The following BECN1 variants were observed in gnomAD, a reference collection of about 807,000 sequenced individuals.
BECN1 encodes the protein beclin 1.
A neutral mutation model predicts 60.1 loss-of-function variants in BECN1; 15 were observed. The ratio of observed to expected loss-of-function variants is 0.25; its 90% CI spans 0.17 to 0.38. The LOEUF (loss-of-function observed/expected upper bound fraction) is 0.38, where lower values mean the gene tolerates loss of function less well. BECN1 is among the 10% of genes least tolerant of loss of function. BECN1 has a pLI of 1.00. For missense variants in BECN1, 424 were observed against 548.2 expected, an observed-to-expected ratio of 0.77 and a Z score of 2.26; for synonymous variants, 179 against 201.8, an observed-to-expected ratio of 0.89 and a Z score of 0.96.
chr17:42,810,707 A>C lies in BECN1; in HGVS notation c.*53T>G. 6.6e-7 allele frequency: 1 copy of C among 1,514,492 alleles called. No homozygotes were observed. The highest frequency in any genetic ancestry group is 1.4e-5 in the African/African-American group (1 of 71,400). 93.8% of individuals were successfully genotyped at this position (1,514,492 alleles called of 1,614,324 possible). A position where few individuals can be genotyped will look rare whatever the true frequency, so the allele number is the denominator to read the frequency against. ...CGAATTTAATTTAAAACATGTTTGC[A>C]AACAAAACAAAATTAAAAGCCTTTA... On this transcript the variant is annotated 3_prime_UTR_variant, in exon 12 of 12. Coordinates refer to ENST00000590099, the MANE Select transcript of BECN1 (RefSeq NM_001313998.2).
At chr17:42,820,645 A>G (rs952786482) in intron 3 of BECN1, 129 bp downstream of exon 3, 9 of 862,560 alleles carry the variant, frequency 1.0e-5, no homozygotes, top group Admixed American at 9.9e-5. Flanking sequence ...AGAGATCCCA[A>G]AAGTCCGGGA....
intron 11 of BECN1, 49 bp from the exon 12 acceptor site, chr17:42,810,977 G>A (rs1329610026): frequency 1.3e-6 from 2 of 1,499,360 alleles, no homozygotes; most frequent in Non-Finnish European, 1.8e-6. Flanking sequence ...TCTGAGTTAA[G>A]TAAGTTCGGG....
chr17:42,816,137 AG>A, intron 7 of BECN1, 83 bp from the exon 8 acceptor site: 2 of 1,388,720 alleles, frequency 1.4e-6, no homozygotes, highest in Non-Finnish European at 1.9e-6. Flanking sequence ...ACGATTCTTT[AG>A]TGATCATCGT....
In BECN1 at chr17:42,813,963, C is replaced by T. The variant is rs1316542652; in HGVS notation, c.1026G>A (p.Leu342=). ...PYGNHSYLES[L]TDKSKELPLY... is the part of the protein sequence containing the mutation. ...CACAGAGTACCTTAGATTTGTCTGT[C>T]AGAGACTCCAGATATGAATGGTTTC... Residue 342 remains leucine, a synonymous_variant, in exon 10 of 12, where the codon CTG becomes CTA. Transcript: ENST00000590099. 3 of 1,602,844 alleles carry T rather than the reference C, an allele frequency of 1.9e-6. No individual in the cohort carries two copies. The African/African-American group carries it at 4.0e-5, about 22-fold the overall frequency.
At chr17:42,824,039 G>A (rs1157939424) in intron 1 of BECN1, 116 bp downstream of exon 1, 33 of 937,618 alleles carry the variant, frequency 3.5e-5, no homozygotes, top group Non-Finnish European at 4.8e-5. Flanking sequence ...CTGCTTCCGG[G>A]ACAGCCTGAG....
chr17:42,823,596 TC>T (rs1422916253), intron 2 of BECN1, 151 bp downstream of exon 2: 5 of 1,168,556 alleles, frequency 4.3e-6, no homozygotes, highest in Non-Finnish European at 5.9e-6. Context: ...GCTTTATGTT[TC>T]CAAGGAGAAA....
intron 8 of BECN1, chr17:42,814,975 T>C (rs2055115662): frequency 2.5e-6 from 1 of 394,724 alleles, no homozygotes; most frequent in African/African-American, 2.1e-5. Flanking sequence ...TTCTCCAAAT[T>C]CAATGCTACT....
intron 7 of BECN1, among the ~76,000 whole-genome samples, chr17:42,816,874 G>A (rs1940295324): frequency 6.6e-6 from 1 of 152,142 alleles, no homozygotes; most frequent in South Asian, 2.1e-4. Context: ...GGAGGCTGAG[G>A]TAGGAGAATC....
At chr17:42,818,935 TA>T in intron 4 of BECN1, 58 bp from the exon 5 acceptor site, 1 of 1,574,044 alleles carries the variant, frequency 6.4e-7, no homozygotes, top group Admixed American at 1.7e-5. Context: ...TTCCTCCACC[TA>T]CTACAATGCC....
Position 42,810,920 on chromosome 17 carries a change from A to C in BECN1, c.1193T>G (p.Val398Gly), listed in dbSNP as rs1223843231. ...TGTGTCTTCAATCTTGCCTTTCTCC[A>C]CATCCATCCTGCAGATGGACAGAGC... ...TRFCLPYRMD[V>G]EKGKIEDTGG... The change falls in exon 12 of 12, where the codon GTG becomes GGG. Residue 398 changes from valine (V) to glycine (G), a missense_variant. Transcript: ENST00000590099. 1.9e-6 allele frequency: 3 copies of C among 1,608,424 alleles called. No homozygotes were observed. The highest frequency in any genetic ancestry group is 3.4e-5 in the Admixed American group (2 of 58,894).
intron 11 of BECN1, 101 bp downstream of exon 11, chr17:42,811,552 TGC>T: frequency 4.1e-6 from 6 of 1,458,734 alleles, no homozygotes; most frequent in Admixed American, 4.3e-5. Flanking sequence ...GCCATTTTTT[TGC>T]TTTCCCACCA....
Position 42,818,852 on chromosome 17 carries a change from T to C in BECN1, c.286A>G (p.Ser96Gly). The C allele has an allele frequency of 6.2e-7, 1 of 1,614,172 alleles. No homozygotes were observed. The highest frequency in any genetic ancestry group is 8.5e-7 in the Non-Finnish European group (1 of 1,180,022). Residue 96 changes from serine (S) to glycine (G), a missense_variant, in exon 5 of 12, where the codon AGC (serine) becomes GGC (glycine). By Grantham distance (56) the Ser-to-Gly change is moderately conservative (BLOSUM62 0). Around this residue, in one of 3 missense-constraint regions of BECN1, gnomAD observed 96 missense variants for 125.6 expected, o/e 0.76. Coordinates refer to ENST00000590099, the MANE Select transcript of BECN1 (RefSeq NM_001313998.2). ...ARMMSTESAN[S>G]FTLIGEASDG... ...GATGCCTCCCCAATCAGAGTGAAGC[T>C]GTTGGCACTTTCTGTGGACATCATC...
At position 42,819,556 on chromosome 17, in the gene BECN1, G is replaced by C; in HGVS notation, c.252C>G (p.Pro84=). 6.2e-7 allele frequency: 1 copy of C among 1,613,532 alleles called. No homozygotes were observed. The highest frequency in any genetic ancestry group is 8.5e-7 in the Non-Finnish European group (1 of 1,179,842). ...RQDGVSRRFI[P]PARMMSTESA... ...TGAGAAGTAGTAGGCACCTGGCTGG[G>C]GGGATGAATCTGCGAGAGACACCAT... is the stretch of plus-strand genomic sequence containing the variant. Residue 84 remains proline (P), a synonymous_variant, in exon 4 of 12, where the codon CCC becomes CCG. Transcript: ENST00000590099.
Position 42,814,517 on chromosome 17 carries a change from T to C in BECN1, c.980+7A>G, listed in dbSNP as rs769440747. The C allele has an allele frequency of 6.2e-7, 1 of 1,614,140 alleles. No homozygotes were observed. Among genetic ancestry groups the C allele is most frequent in the South Asian group, 1.1e-5 (1 of 91,076 alleles). The stretch of plus-strand genomic sequence containing the variant: ...ATCACTCCCCAAGAAAGGGCTACAC[T>C]TCCTACCTCTGAAATTTCAGACCCA... On this transcript the variant is annotated splice_region_variant and intron_variant, in intron 9 of 11. Transcript: ENST00000590099.
At chr17:42,820,705 T>G in intron 3 of BECN1, 69 bp downstream of exon 3, 1 of 1,472,488 alleles carries the variant, frequency 6.8e-7, no homozygotes, top group Non-Finnish European at 9.3e-7. Flanking sequence ...CATTCCTGTT[T>G]TCATATCATA....
chr17:42,813,787 C>A, intron 10 of BECN1, 161 bp downstream of exon 10: 1 of 529,974 alleles, frequency 1.9e-6, no homozygotes, highest in Admixed American at 3.6e-5. Context: ...TACAAGACCC[C>A]CAAAACTAAA....
In BECN1 at chr17:42,813,046, G is replaced by C. The variant is rs573144222; in HGVS notation, c.1041+902C>G. Among the ~76,000 whole-genome samples the C allele has an allele frequency of 1.9e-3, 272 of 142,722 alleles. 1 individual carries two copies. The highest frequency in any genetic ancestry group is 6.6e-3 in the African/African-American group (256 of 38,540). 93.6% of individuals were successfully genotyped at this position (142,722 alleles called of 152,430 possible). ...TTTTTAGTAGAGACGGGGTTTCACT[G>C]TGTTAGCCAGGATGGTCTCAATCTC... is the stretch of plus-strand genomic sequence containing the variant. On this transcript the variant is annotated intron_variant, in intron 10 of 11. Transcript: ENST00000590099.
rs532032306 is a variant in BECN1, at chr17:42,824,201, C to T, written c.-49G>A. The T allele has an allele frequency of 9.6e-6, 4 of 417,874 alleles. No homozygotes were observed. The highest frequency in any genetic ancestry group is 1.7e-5 in the Non-Finnish European group (4 of 235,566). 25.9% of individuals were successfully genotyped at this position (417,874 alleles called of 1,614,324 possible). On this transcript the variant is annotated 5_prime_UTR_variant, in exon 1 of 12. Transcript: ENST00000590099. ...ACCCAAGTCCGGTCTACCGCGGAGG[C>T]ACTGTGGCCTCGGGTCGGCCCCGGA...
rs191988507 is a variant in BECN1 at position 42,821,278 on chromosome 17, A to G, written c.131-437T>C. On this transcript the variant is annotated intron_variant, in intron 2 of 11. Coordinates refer to ENST00000590099, the MANE Select transcript of BECN1 (RefSeq NM_001313998.2). ...GTTTCACCATGTTGGCCAGGTCTTG[A>G]TCTCCTGACCTCGTGATCCACCCGT... Among the ~76,000 whole-genome samples the G allele has an allele frequency of 2.7e-3, 407 of 152,144 alleles. 6 individuals are homozygous for G. Among genetic ancestry groups the G allele is most frequent in the Non-Finnish European group, 1.0e-3 (70 of 68,006 alleles).
Sources: gnomAD v4.1 joint callset for allele counts (sites outside exome capture counted in the v4.1 genomes callset) on GRCh38, gnomAD v4.1.1 for gene constraint, gnomAD v4.1.1 regional missense constraint, MANE v1.5 for transcripts, NCBI Gene and HGNC (gene_info 2026-07-23, HGNC 2026-07-21) for gene names.